The following CSMD2 variants were observed in gnomAD, a reference collection of about 807,000 sequenced individuals.
CSMD2 encodes the protein CUB and Sushi multiple domains 2.
Under a neutral mutation model 398.5 loss-of-function variants are expected in CSMD2, and 130 were observed. The ratio of observed to expected loss-of-function variants is 0.33; its 90% CI spans 0.28 to 0.38. The LOEUF (loss-of-function observed/expected upper bound fraction) is 0.38, where lower values mean the gene tolerates loss of function less well. Among genes scored for constraint, CSMD2 ranks in the 10% least tolerant of loss-of-function variants. The pLI, the probability that CSMD2 is intolerant of heterozygous loss-of-function variation, is 1.00. For synonymous variants in CSMD2, 1,828 were observed against 1,908.5 expected, an observed-to-expected ratio of 0.96 and a Z score of 1.10; for missense variants, 3,829 against 4,764.9, an observed-to-expected ratio of 0.80 and a Z score of 5.78.
chr1:33,535,731 C>A (rs1321015471), intron 62 of CSMD2, among the ~76,000 whole-genome samples: 1 of 152,166 alleles, frequency 6.6e-6, no homozygotes, highest in Non-Finnish European at 1.5e-5. Flanking sequence ...TGCTAGCTGG[C>A]CTACTTTCCA....
chr1:33,567,478 C>CATATATATATATATATATATATATATAT lies in CSMD2; in HGVS notation c.8380+114_8380+115insATATATATATATATATATATATATATAT, dbSNP rs774765893. 4.0e-3 allele frequency: 1,869 copies of CATATATATATATATATATATATATATAT among 468,230 alleles called. 24 individuals are homozygous for CATATATATATATATATATATATATATAT. Among genetic ancestry groups the CATATATATATATATATATATATATATAT allele is most frequent in the African/African-American group, 9.5e-3 (447 of 46,886 alleles). The allele number at this position is 468,230 out of a possible 1,614,324, so 29.0% of individuals were successfully genotyped here. A position where few individuals can be genotyped will look rare whatever the true frequency, so the allele number is the denominator to read the frequency against. Reference sequence around the variant, plus strand: ...CAGTTTTGAAAAAAAAAATAGCAATCATATATATATATATATATTTAAAAC... The same window carrying CATATATATATATATATATATATATATAT: ...CAGTTTTGAAAAAAAAAATAGCAATCATATATATATATATATATATATATATATATATATATATATATATATTTAAAAC... On this transcript the variant is annotated intron_variant, in intron 53 of 70. Transcript: ENST00000373381.
intron 55 of CSMD2, among the ~76,000 whole-genome samples, chr1:33,556,141 G>T (rs1288827828): frequency 5.3e-5 from 8 of 152,154 alleles, no homozygotes; most frequent in Non-Finnish European, 1.2e-4. Flanking sequence ...GGGACAAAAA[G>T]TTAATATGGA....
intron 1 of CSMD2, among the ~76,000 whole-genome samples, chr1:34,155,743 G>C (rs770620363): frequency 2.6e-5 from 4 of 152,154 alleles, no homozygotes; most frequent in Non-Finnish European, 5.9e-5. Context: ...CCGAGCCCTG[G>C]GCAGGATCTC....
At chr1:33,759,843 T>C (rs1260067874) in intron 13 of CSMD2, among the ~76,000 whole-genome samples, 1 of 152,134 alleles carries the variant, frequency 6.6e-6, no homozygotes, top group Non-Finnish European at 1.5e-5. Context: ...CTATGGATAA[T>C]TACCTAGAAC....
intron 12 of CSMD2, among the ~76,000 whole-genome samples, chr1:33,774,861 A>G (rs1175926434): frequency 6.6e-6 from 1 of 152,180 alleles, no homozygotes; most frequent in East Asian, 1.9e-4. Context: ...TCCTACCATC[A>G]TGCAATCACA....
chr1:34,135,056 G>A (rs1257380855), intron 1 of CSMD2, among the ~76,000 whole-genome samples: 1 of 152,038 alleles, frequency 6.6e-6, no homozygotes, highest in Non-Finnish European at 1.5e-5. Context: ...GAAACTCCTG[G>A]GCCAAGCAAT....
intron 6 of CSMD2, among the ~76,000 whole-genome samples, chr1:33,833,516 C>T (rs1028811464): frequency 1.0e-4 from 15 of 145,236 alleles, no homozygotes; most frequent in African/African-American, 3.6e-4. Context: ...ATAATAAGAG[C>T]TATCTATGAC....
At position 33,559,610 on chromosome 1, in the gene CSMD2, A is replaced by G; in HGVS notation, c.8381-137T>C. ...CTAACTTCAATCTCTTTTGCTGTAA[A>G]ACCTTTATAAACTGAAATTGTCAGG... On this transcript the variant is annotated intron_variant, in intron 53 of 70. Transcript: ENST00000373381. This position sits in a 1 kb window ranked among gnomAD's most constrained non-coding sequence, Gnocchi z 4.0. 1 of 734,542 alleles carries G rather than the reference A, an allele frequency of 1.4e-6. No homozygotes were observed. The highest frequency in any genetic ancestry group is 2.2e-6 in the Non-Finnish European group (1 of 453,846). The allele number at this position is 734,542 out of a possible 1,614,324, so 45.5% of individuals were successfully genotyped here. A position where few individuals can be genotyped will look rare whatever the true frequency, so the allele number is the denominator to read the frequency against.
intron 1 of CSMD2, among the ~76,000 whole-genome samples, chr1:34,159,202 C>G (rs768259654): frequency 4.6e-5 from 7 of 152,172 alleles, no homozygotes; most frequent in Non-Finnish European, 8.8e-5. Flanking sequence ...CCTCACTAAG[C>G]AAGAAATTCC....
chr1:34,026,568 G>A (rs1435326245), intron 3 of CSMD2, among the ~76,000 whole-genome samples: 2 of 152,336 alleles, frequency 1.3e-5, no homozygotes, highest in South Asian at 2.1e-4. Flanking sequence ...CAGAGTGCAC[G>A]AGATCCATGC....
intron 9 of CSMD2, among the ~76,000 whole-genome samples, chr1:33,812,376 G>A (rs1656962262): frequency 1.3e-5 from 2 of 152,174 alleles, no homozygotes; most frequent in African/African-American, 4.8e-5. Flanking sequence ...CTGTAGTCCT[G>A]CACTGGAAGG....
At chr1:33,911,547 A>C (rs1326791342) in intron 5 of CSMD2, among the ~76,000 whole-genome samples, 4 of 152,242 alleles carry the variant, frequency 2.6e-5, no homozygotes, top group Non-Finnish European at 4.4e-5. Flanking sequence ...ACAAAAACAA[A>C]AGCAAATGAA....
chr1:34,154,665 T>C (rs1355862119), intron 1 of CSMD2, among the ~76,000 whole-genome samples: 1 of 151,870 alleles, frequency 6.6e-6, no homozygotes, highest in Non-Finnish European at 1.5e-5. Flanking sequence ...TTCAATATCA[T>C]TTATAGAAAT....
intron 5 of CSMD2, among the ~76,000 whole-genome samples, chr1:33,912,612 C>T (rs762598663): frequency 6.6e-6 from 1 of 152,048 alleles, no homozygotes; most frequent in Non-Finnish European, 1.5e-5. Context: ...AGCGAGGGGG[C>T]ACAAGCAGAG....
At chr1:33,890,772 C>A (rs997502482) in intron 5 of CSMD2, among the ~76,000 whole-genome samples, 10 of 151,736 alleles carry the variant, frequency 6.6e-5, no homozygotes, top group Non-Finnish European at 1.5e-4. Context: ...TTTTGACAAA[C>A]CTGAGAAAAA....
At chr1:33,619,070 A>C (rs1456822398) in intron 37 of CSMD2, among the ~76,000 whole-genome samples, 5 of 152,222 alleles carry the variant, frequency 3.3e-5, no homozygotes, top group African/African-American at 1.2e-4. Context: ...GTACAGGTGC[A>C]GGCACTTCAC....
intron 17 of CSMD2, among the ~76,000 whole-genome samples, chr1:33,725,131 C>T (rs1248110000): frequency 1.3e-5 from 2 of 152,152 alleles, no homozygotes; most frequent in South Asian, 4.1e-4. Flanking sequence ...CACGCAAGGG[C>T]CTAGCGTGAA....
At chr1:34,139,383 C>A (rs2148520011) in intron 1 of CSMD2, among the ~76,000 whole-genome samples, 1 of 152,318 alleles carries the variant, frequency 6.6e-6, no homozygotes, top group East Asian at 1.9e-4. Flanking sequence ...CAAGAAGGCC[C>A]TCACCAGATG....
rs1168245853 is a variant in CSMD2, at chr1:33,692,959, G to A, written c.4023C>T (p.Thr1341=). The A allele has an allele frequency of 5.0e-6, 8 of 1,607,498 alleles. No homozygotes were observed. Among genetic ancestry groups the A allele is most frequent in the Non-Finnish European group, 6.8e-6 (8 of 1,177,294 alleles). The change falls in exon 25 of 71, where the codon ACC becomes ACT. Residue 1341 remains threonine (T), a synonymous_variant. Transcript: ENST00000373381. The part of the protein sequence containing the change: ...PYEHNLNCIW[T]IEAEAGCTIG... ...TGGTGCAGCCGGCCTCTGCTTCGAT[G>A]GTCCAGATGCAGTTGAGATTGTGTT...
Sources: gnomAD v4.1 joint callset for allele counts (sites outside exome capture counted in the v4.1 genomes callset) on GRCh38, gnomAD v4.1.1 for gene constraint, Gnocchi (gnomAD v3.1) non-coding constraint, MANE v1.5 for transcripts, NCBI Gene and HGNC (gene_info 2026-07-23, HGNC 2026-07-21) for gene names.